Variants in UBE3D observed in about 807,000 individuals in gnomAD.
The protein encoded by UBE3D is ubiquitin protein ligase E3D, also known as E3 ubiquitin-protein ligase E3D.
Under a neutral mutation model 49.6 loss-of-function variants are expected in UBE3D, and 48 were observed. The observed-to-expected ratio is 0.97, with a 90% CI of 0.77 to 1.23. The LOEUF (loss-of-function observed/expected upper bound fraction) is 1.23. Ranked by LOEUF, UBE3D falls within the 50% of genes most tolerant of loss-of-function variation. The pLI is 0.00. For synonymous variants in UBE3D, 189 were observed against 174.2 expected (o/e 1.08, Z -0.67); for missense variants, 452 against 468.4 (o/e 0.96, Z 0.32).
At chr6:83,052,413 G>A (rs994836015) in intron 3 of UBE3D, among the ~76,000 whole-genome samples, 19 of 152,058 alleles carry the variant, frequency 1.2e-4, no homozygotes, top group Admixed American at 9.8e-4. Context: ...AACCTTAGAC[G>A]AACACCTAAA....
At chr6:82,918,891 C>T (rs1773116451) in intron 9 of UBE3D, among the ~76,000 whole-genome samples, 1 of 151,890 alleles carries the variant, frequency 6.6e-6, no homozygotes, top group South Asian at 2.1e-4. Flanking sequence ...ATATATAAGC[C>T]CCCGATTTTA....
intron 8 of UBE3D, among the ~76,000 whole-genome samples, chr6:82,993,444 T>C (rs1353335333): frequency 6.6e-6 from 1 of 152,218 alleles, no homozygotes; most frequent in Non-Finnish European, 1.5e-5. Context: ...TCCACCCATG[T>C]TCAAGTCCCT....
intron 3 of UBE3D, among the ~76,000 whole-genome samples, chr6:83,048,731 G>C (rs1783251549): frequency 6.6e-6 from 1 of 152,086 alleles, no homozygotes; most frequent in South Asian, 2.1e-4. Context: ...TTTTAAAGCA[G>C]AAAAAATTTT....
chr6:82,915,530 C>T (rs1045390649), intron 9 of UBE3D, among the ~76,000 whole-genome samples: 2 of 152,200 alleles, frequency 1.3e-5, no homozygotes, highest in Admixed American at 1.3e-4. Context: ...ACCTGCCTCA[C>T]TGAACGTGTT....
intron 3 of UBE3D, among the ~76,000 whole-genome samples, chr6:83,045,528 C>G (rs1448055959): frequency 6.6e-6 from 1 of 151,726 alleles, no homozygotes; most frequent in African/African-American, 2.4e-5. Flanking sequence ...TAGCCTCATG[C>G]TTATTAATCT....
downstream of UBE3D, among the ~76,000 whole-genome samples, chr6:82,891,663 T>A (rs1403907059): frequency 6.6e-6 from 1 of 152,180 alleles, no homozygotes; most frequent in Non-Finnish European, 1.5e-5. Context: ...AATGTTTTGG[T>A]TGCACTACCA....
chr6:83,052,165 T>A (rs1297323773), intron 3 of UBE3D, among the ~76,000 whole-genome samples: 1 of 152,188 alleles, frequency 6.6e-6, no homozygotes, highest in Non-Finnish European at 1.5e-5. Flanking sequence ...GTTAGCCACA[T>A]TTTTGCAATA....
intron 9 of UBE3D, among the ~76,000 whole-genome samples, chr6:82,933,385 T>C (rs1229896173): frequency 6.6e-6 from 1 of 152,220 alleles, no homozygotes; most frequent in East Asian, 1.9e-4. Context: ...TCATTTTCAT[T>C]GCATGCAACT....
At chr6:83,034,009 T>C (rs1782063812) in intron 5 of UBE3D, among the ~76,000 whole-genome samples, 1 of 152,246 alleles carries the variant, frequency 6.6e-6, no homozygotes, top group African/African-American at 2.4e-5. Context: ...CCCAATATAG[T>C]AGCAGTTTTC....
At chr6:82,978,620 G>C (rs1317430773) in intron 8 of UBE3D, among the ~76,000 whole-genome samples, 1 of 152,050 alleles carries the variant, frequency 6.6e-6, no homozygotes, top group East Asian at 1.9e-4. Flanking sequence ...CTAGCCTTGG[G>C]GAAGTTATTG....
intron 9 of UBE3D, among the ~76,000 whole-genome samples, chr6:82,897,251 TGGAAAA>T (rs904801019): frequency 2.6e-4 from 40 of 152,096 alleles, no homozygotes; most frequent in African/African-American, 9.4e-4. Context: ...GTTTTTATGG[TGGAAAA>T]GGAAAAGGAC....
chr6:82,883,724 T>C, the UBE3D span, among the ~76,000 whole-genome samples: 1 of 152,148 alleles, frequency 6.6e-6, no homozygotes, highest in Non-Finnish European at 1.5e-5. Flanking sequence ...CTCAATCTAA[T>C]ATACTTTCAC....
At chr6:82,896,879 T>C (rs887627835) in intron 9 of UBE3D, among the ~76,000 whole-genome samples, 2 of 151,962 alleles carry the variant, frequency 1.3e-5, no homozygotes, top group Admixed American at 1.3e-4. Context: ...GTAGCTGGGA[T>C]TACAGGCGCA....
chr6:83,031,454 T>G (rs1582692414), intron 5 of UBE3D, among the ~76,000 whole-genome samples: 2 of 152,358 alleles, frequency 1.3e-5, no homozygotes, highest in Admixed American at 6.5e-5. Flanking sequence ...TGCATCAGCG[T>G]GACCTGGATG....
chr6:83,044,516 A>G lies in UBE3D; in HGVS notation c.509T>C (p.Val170Ala). ...DCFIGDSFFL[V>A]NLRTSLWQQR... ...CTGCCACAAACTGGTTCTTAAATTC[A>G]CCAAGAAGAAAGAGTCTCCAATAAA... The change falls in exon 4 of 10, where the codon GTG becomes GCG. Residue 170 changes from valine (V) to alanine (A), a missense_variant. Coordinates refer to ENST00000369747, the MANE Select transcript of UBE3D (RefSeq NM_198920.3). 1 of 1,614,176 alleles carries G rather than the reference A, an allele frequency of 6.2e-7. No homozygotes were observed. Among genetic ancestry groups the G allele is most frequent in the Admixed American group, 1.7e-5 (1 of 60,030 alleles).
chr6:83,018,861 G>T, intron 8 of UBE3D, 112 bp downstream of exon 8: 1 of 1,212,972 alleles, frequency 8.2e-7, no homozygotes, highest in Non-Finnish European at 1.2e-6. Flanking sequence ...GCTCCTAGAA[G>T]CTTCAAGTAG....
At chr6:82,929,274 A>G (rs1773970880) in intron 9 of UBE3D, among the ~76,000 whole-genome samples, 1 of 152,176 alleles carries the variant, frequency 6.6e-6, no homozygotes, top group African/African-American at 2.4e-5. Flanking sequence ...ACACTGACCT[A>G]TAATAAAATT....
intron 9 of UBE3D, among the ~76,000 whole-genome samples, chr6:82,943,131 C>G (rs1775137148): frequency 6.6e-6 from 1 of 152,200 alleles, no homozygotes; most frequent in African/African-American, 2.4e-5. Context: ...TTAATGACTG[C>G]CCTATTGGAT....
rs58424434 is a variant in UBE3D, at chr6:82,977,113, CAAAAAAAAAAAAAA to C, written c.1011-19677_1011-19664del. On this transcript the variant is annotated intron_variant, in intron 8 of 9. Coordinates refer to ENST00000369747, the MANE Select transcript of UBE3D (RefSeq NM_198920.3). ...TGGGTGATAGAGCAAGACTCCATCT[CAAAAAAAAAAAAAA>C]AAAAAAAAAAAAAAGAAGGTAAAGA... Among the ~76,000 whole-genome samples the C allele has an allele frequency of 3.5e-3, 147 of 42,600 alleles. 2 individuals carry two copies. The highest frequency in any genetic ancestry group is 0.015 in the African/African-American group (130 of 8,920). 27.9% of individuals were successfully genotyped at this position (42,600 alleles called of 152,430 possible).
Sources: gnomAD v4.1 joint callset for allele counts (sites outside exome capture counted in the v4.1 genomes callset) on GRCh38, gnomAD v4.1.1 for gene constraint, MANE v1.5 for transcripts, NCBI Gene and HGNC (gene_info 2026-07-23, HGNC 2026-07-21) for gene names.